Variants in NINL observed in about 807,000 individuals in gnomAD.
NINL encodes the protein ninein-like protein.
A neutral mutation model predicts 160.3 loss-of-function variants in NINL; 153 were observed. That is an observed-to-expected ratio of 0.95 (90% CI 0.84 to 1.09). NINL has a LOEUF of 1.09. NINL is among the 50% of genes least tolerant of loss of function. The pLI, the probability that NINL is intolerant of heterozygous loss-of-function variation, is 0.00. For synonymous variants in NINL, 800 were observed against 734.8 expected (o/e 1.09, Z -1.43); for missense variants, 1,829 against 1,764.0 (o/e 1.04, Z -0.66).
chr20:25,503,775 T>C (rs1255231672), intron 7 of NINL, among the ~76,000 whole-genome samples, 177 bp downstream of exon 7: 4 of 152,202 alleles, frequency 2.6e-5, no homozygotes, highest in Admixed American at 2.0e-4. Flanking sequence ...CCCAAATCTA[T>C]GTGGCTCCAG....
chr20:25,561,290 C>T (rs2064934128), intron 1 of NINL, among the ~76,000 whole-genome samples: 2 of 152,312 alleles, frequency 1.3e-5, no homozygotes, highest in African/African-American at 2.4e-5. Context: ...CCGCCAGCCT[C>T]GGCCTCCCGA....
intron 14 of NINL, among the ~76,000 whole-genome samples, chr20:25,481,640 A>G (rs112753741): frequency 3.2e-4 from 49 of 152,350 alleles, no homozygotes; most frequent in African/African-American, 4.8e-4. Context: ...GGAGGCCCCA[A>G]TGCATTCTCC....
intron 18 of NINL, among the ~76,000 whole-genome samples, chr20:25,468,258 A>C: frequency 7.0e-6 from 1 of 142,730 alleles, no homozygotes; most frequent in Non-Finnish European, 1.5e-5. Context: ...GTCCCCGCCA[A>C]CTCTCACTGA....
rs958945244 is a variant in NINL at position 25,526,306 on chromosome 20, T to G, written c.180+102A>C. ...CTGTTCCATTTGCTAATAACTTTCCTTTGACACTTGAATCCTTATTCAGCT... is the reference window on the plus strand; with the variant it reads ...CTGTTCCATTTGCTAATAACTTTCCGTTGACACTTGAATCCTTATTCAGCT... On this transcript the variant is annotated intron_variant, in intron 2 of 23. Coordinates refer to ENST00000278886, the MANE Select transcript of NINL (RefSeq NM_025176.6). 5.6e-6 allele frequency: 6 copies of G among 1,080,196 alleles called. No individual in the cohort carries two copies. The African/African-American group carries it at 9.4e-5, about 17-fold the overall frequency. The allele number at this position is 1,080,196 out of a possible 1,614,324, so 66.9% of individuals were successfully genotyped here.
At chr20:25,572,965 T>G (rs1461583313) in intron 1 of NINL, among the ~76,000 whole-genome samples, 1 of 152,172 alleles carries the variant, frequency 6.6e-6, no homozygotes. Context: ...CCCCAGAACC[T>G]GGGTGTAACC....
intron 1 of NINL, among the ~76,000 whole-genome samples, chr20:25,584,860 G>C (rs1253270071): frequency 6.6e-6 from 1 of 152,244 alleles, no homozygotes; most frequent in Admixed American, 6.5e-5. Flanking sequence ...GTGTGACTGC[G>C]CGCACAGGCG....
At chr20:25,481,222 G>T (rs971519769) in intron 14 of NINL, among the ~76,000 whole-genome samples, 5 of 152,198 alleles carry the variant, frequency 3.3e-5, no homozygotes, top group African/African-American at 1.2e-4. Context: ...TGCCATGACG[G>T]GGGAGCGAGG....
chr20:25,469,025 T>C (rs2063011158), intron 18 of NINL, among the ~76,000 whole-genome samples: 1 of 144,722 alleles, frequency 6.9e-6, no homozygotes, highest in Non-Finnish European at 1.5e-5. Context: ...CGACTCTCAC[T>C]GGTGGGTGCC....
In NINL at chr20:25,470,002, G is replaced by GT. The variant is rs1568854846; in HGVS notation, c.3341dup (p.His1114GlnfsTer9). On this transcript the variant is annotated frameshift_variant, in exon 18 of 24. Transcript: ENST00000278886. LOFTEE classifies it high-confidence loss of function. ...GGCGTGGCCCTTACCTCTGTGCATC[G>GT]TGAGTACTTTCTGCAGCTTCAAGCT... The GT allele has an allele frequency of 1.9e-6, 3 of 1,613,764 alleles. No individual in the cohort carries two copies. Among genetic ancestry groups the GT allele is most frequent in the Non-Finnish European group, 2.5e-6 (3 of 1,179,644 alleles).
At chr20:25,482,264 G>A (rs186884464) in intron 13 of NINL, among the ~76,000 whole-genome samples, 164 bp from the exon 14 acceptor site, 8 of 152,354 alleles carry the variant, frequency 5.3e-5, no homozygotes, top group Admixed American at 2.6e-4. Context: ...ATTTTAAGTC[G>A]CTAACATCAT....
chr20:25,534,866 T>C (rs1010280197), intron 1 of NINL, among the ~76,000 whole-genome samples: 2 of 152,236 alleles, frequency 1.3e-5, no homozygotes, highest in Non-Finnish European at 2.9e-5. Flanking sequence ...TTACGTATAA[T>C]ACCTAAGACA....
At chr20:25,528,191 A>C (rs968953723) in intron 1 of NINL, among the ~76,000 whole-genome samples, 38 of 152,102 alleles carry the variant, frequency 2.5e-4, no homozygotes, top group Non-Finnish European at 5.0e-4. Flanking sequence ...CACCGTGCCC[A>C]GCTAATTTAT....
At position 25,467,400 on chromosome 20, in the gene NINL, G is replaced by T; in HGVS notation, c.3412C>A (p.Leu1138Ile). 1 of 1,613,580 alleles carries T rather than the reference G, an allele frequency of 6.2e-7. No homozygotes were observed. Among genetic ancestry groups the T allele is most frequent in the Non-Finnish European group, 8.5e-7 (1 of 1,179,434 alleles). Reference sequence around the variant, plus strand: ...CGTCGATACGTCACCTGTCTGTTGAGCACCTCCATCTCAGAGCAGGCCTTT... The same window carrying T: ...CGTCGATACGTCACCTGTCTGTTGATCACCTCCATCTCAGAGCAGGCCTTT... ...KEKACSEMEV[L>I]NRQNQNYKDQ... The change falls in exon 19 of 24, where the codon CTC (leucine) becomes ATC (isoleucine). Residue 1138 changes from leucine (L) to isoleucine (I), a missense_variant. Coordinates refer to ENST00000278886, the MANE Select transcript of NINL (RefSeq NM_025176.6).
chr20:25,546,047 T>C (rs1018918246), intron 1 of NINL, among the ~76,000 whole-genome samples: 1 of 151,712 alleles, frequency 6.6e-6, no homozygotes, highest in African/African-American at 2.4e-5. Flanking sequence ...AGTGTACTAA[T>C]GTATGACTTT....
At chr20:25,520,872 T>C (rs968628141) in intron 2 of NINL, among the ~76,000 whole-genome samples, 1 of 152,212 alleles carries the variant, frequency 6.6e-6, no homozygotes, top group African/African-American at 2.4e-5. Context: ...ATAAGAAAAA[T>C]ACAAAGAGAT....
intron 17 of NINL, among the ~76,000 whole-genome samples, chr20:25,472,258 G>A (rs1418311810): frequency 2.1e-5 from 3 of 141,876 alleles, no homozygotes; most frequent in Non-Finnish European, 4.5e-5. Context: ...TAAAAGAGAG[G>A]TTGAGACATA....
At chr20:25,489,191 G>T in intron 13 of NINL, 53 bp downstream of exon 13, 1 of 1,542,118 alleles carries the variant, frequency 6.5e-7, no homozygotes, top group Non-Finnish European at 9.0e-7. Flanking sequence ...ACCTGCGTGT[G>T]GAGACCCAGA....
intron 19 of NINL, chr20:25,462,845 G>A (rs116857254): frequency 6.1e-4 from 155 of 253,190 alleles, no homozygotes; most frequent in Non-Finnish European, 1.1e-3. Flanking sequence ...TCGAGACAGG[G>A]TCTCTAGCTG....
intron 1 of NINL, among the ~76,000 whole-genome samples, chr20:25,575,824 G>C (rs1244652634): frequency 6.6e-6 from 1 of 151,442 alleles, no homozygotes; most frequent in Non-Finnish European, 1.5e-5. Context: ...CACTCGGCTG[G>C]CTTCACCACC....
Sources: allele counts gnomAD v4.1 joint callset (sites outside exome capture counted in the v4.1 genomes callset), GRCh38; gene constraint gnomAD v4.1.1; transcripts MANE v1.5; gene names NCBI Gene and HGNC (gene_info 2026-07-23, HGNC 2026-07-21).